Variants in MS4A6E observed in about 807,000 individuals in gnomAD.
The protein encoded by MS4A6E is membrane spanning 4-domains A6E, also known as membrane-spanning 4-domains subfamily A member 6E.
In MS4A6E, 8 loss-of-function variants were observed where a neutral mutation model predicts 13.2. The observed-to-expected ratio is 0.60, with a 90% CI of 0.35 to 1.09. The LOEUF is 1.09. MS4A6E is among the 50% of genes least tolerant of loss of function. MS4A6E has a pLI of 0.02. For missense variants in MS4A6E, 177 were observed against 171.1 expected, an observed-to-expected ratio of 1.03 and a Z score of -0.19; for synonymous variants, 72 against 67.6, an observed-to-expected ratio of 1.06 and a Z score of -0.32.
At chr11:60,332,880 C>T (rs1317688193) in intron 1 of MS4A6E, among the ~76,000 whole-genome samples, 11 of 152,254 alleles carry the variant, frequency 7.2e-5, no homozygotes, top group Non-Finnish European at 1.5e-5. Context: ...AAAACACCCG[C>T]ATGCCCGCAT....
Position 60,337,688 on chromosome 11 carries a change from A to G in MS4A6E, c.148-53A>G. On this transcript the variant is annotated intron_variant, in intron 2 of 4. Transcript: ENST00000684409. Reference sequence around the variant, plus strand: ...TGCAATGTAATGGCAAAAAGGGATAAGAGAGATTCGTGGCCCTTTGGGAAT... The same window carrying G: ...TGCAATGTAATGGCAAAAAGGGATAGGAGAGATTCGTGGCCCTTTGGGAAT... The G allele has an allele frequency of 7.5e-6, 12 of 1,603,238 alleles. No individual in the cohort carries two copies. In the South Asian group the frequency reaches 1.3e-4, roughly 18 times the overall value.
At chr11:60,345,136 G>T (rs773084859), downstream of MS4A6E, among the ~76,000 whole-genome samples, 3 of 151,846 alleles carry the variant, frequency 2.0e-5, no homozygotes, top group African/African-American at 7.3e-5. Context: ...GGGTTTCACC[G>T]TGTTAGCCAG....
downstream of MS4A6E, among the ~76,000 whole-genome samples, chr11:60,342,435 T>C (rs548651541): frequency 6.6e-6 from 1 of 151,926 alleles, no homozygotes; most frequent in East Asian, 1.9e-4. Flanking sequence ...GAAGAGTGCT[T>C]CCTCATGCAG....
intron 4 of MS4A6E, among the ~76,000 whole-genome samples, chr11:60,348,115 A>G (rs6591573): frequency 1 from 152,060 of 152,330 alleles, 75,896 homozygotes; most frequent in Middle Eastern, 1. Context: ...TCCTGCTAAC[A>G]GGACAGTCTC....
intron 1 of MS4A6E, among the ~76,000 whole-genome samples, chr11:60,332,916 TTCTAGCTG>T: frequency 6.6e-6 from 1 of 152,232 alleles, no homozygotes; most frequent in East Asian, 1.9e-4. Context: ...AGATGACTCT[TTCTAGCTG>T]TTGATTCCTC....
At chr11:60,340,699 T>C (rs1372602837) in intron 4 of MS4A6E, 77 bp from the exon 5 acceptor site, 1 of 168,416 alleles carries the variant, frequency 5.9e-6, no homozygotes, top group Non-Finnish European at 1.3e-5. Context: ...CATATCCACA[T>C]GTATCTTGAA....
chr11:60,343,449 G>C (rs892533303), downstream of MS4A6E, among the ~76,000 whole-genome samples: 2 of 152,140 alleles, frequency 1.3e-5, no homozygotes, highest in Non-Finnish European at 2.9e-5. Context: ...TATTGCAGGT[G>C]CCACAATGTA....
chr11:60,333,826 A>C (rs2085171692), intron 1 of MS4A6E, among the ~76,000 whole-genome samples: 1 of 152,220 alleles, frequency 6.6e-6, no homozygotes, highest in Non-Finnish European at 1.5e-5. Flanking sequence ...AGAAACACCA[A>C]AATTTATCTC....
intron 2 of MS4A6E, chr11:60,335,654 G>A (rs897193330): frequency 2.3e-6 from 1 of 441,848 alleles, no homozygotes; most frequent in African/African-American, 2.0e-5. Flanking sequence ...TCTGAGGTGA[G>A]GCACTCTGTT....
At chr11:60,333,214 A>G (rs1433660805) in intron 1 of MS4A6E, among the ~76,000 whole-genome samples, 1 of 151,124 alleles carries the variant, frequency 6.6e-6, no homozygotes, top group African/African-American at 2.4e-5. Flanking sequence ...AGATTACAAG[A>G]AAGATTAAAA....
At position 60,337,754 on chromosome 11, in the gene MS4A6E, T is replaced by C. The variant is rs781534480; in HGVS notation, c.161T>C (p.Leu54Pro). 1.2e-6 allele frequency: 2 copies of C among 1,614,216 alleles called. No homozygotes were observed. Reference protein sequence around the residue: ...KVKVIGVHSSLAGSILSALSA... With the variant: ...KVKVIGVHSSPAGSILSALSA... ...TGTCTCTTTCAGGTGCATAGCAGCC[T>C]GGCTGGAAGCATTCTGAGTGCTCTG... Residue 54 changes from leucine (L) to proline (P), a missense_variant, in exon 3 of 5, where the codon CTG (leucine) becomes CCG (proline). Physicochemically the swap from Leu to Pro is moderately conservative, Grantham distance 98. Coordinates refer to ENST00000684409, the MANE Select transcript of MS4A6E (RefSeq NM_139249.4).
downstream of MS4A6E, among the ~76,000 whole-genome samples, chr11:60,343,320 C>A (rs1418513480): frequency 6.6e-6 from 1 of 152,038 alleles, no homozygotes; most frequent in African/African-American, 2.4e-5. Flanking sequence ...CTTTACTAGA[C>A]GCGTTAATAT....
intron 2 of MS4A6E, among the ~76,000 whole-genome samples, chr11:60,336,069 G>C (rs1030955598): frequency 4.6e-5 from 7 of 152,172 alleles, no homozygotes; most frequent in African/African-American, 1.7e-4. Context: ...AAGTCAGAGA[G>C]AGTGCCCAGA....
downstream of MS4A6E, among the ~76,000 whole-genome samples, chr11:60,344,976 C>G (rs1590778670): frequency 6.6e-6 from 1 of 151,942 alleles, no homozygotes; most frequent in Non-Finnish European, 1.5e-5. Context: ...CACTCTGTGG[C>G]CCAGGCTGGT....
chr11:60,339,772 T>C (rs2135063541), intron 3 of MS4A6E, 94 bp from the exon 4 acceptor site: 1 of 1,014,320 alleles, frequency 9.9e-7, no homozygotes, highest in Non-Finnish European at 1.6e-6. Context: ...CTCTAATGGT[T>C]GAGGTGGTCT....
At chr11:60,334,460 TATG>T (rs1465016386) in intron 1 of MS4A6E, among the ~76,000 whole-genome samples, 2 of 152,124 alleles carry the variant, frequency 1.3e-5, no homozygotes, top group African/African-American at 4.8e-5. Context: ...TCTAGTAAAA[TATG>T]ATAAACATAT....
chr11:60,333,580 A>C (rs1268251484), intron 1 of MS4A6E, among the ~76,000 whole-genome samples: 1 of 152,156 alleles, frequency 6.6e-6, no homozygotes, highest in East Asian at 1.9e-4. Context: ...GTCCTGAAGG[A>C]GAGGGTTGGA....
chr11:60,337,728 A>C lies in MS4A6E; in HGVS notation c.148-13A>C. On this transcript the variant is annotated splice_polypyrimidine_tract_variant and intron_variant, in intron 2 of 4. Coordinates refer to ENST00000684409, the MANE Select transcript of MS4A6E (RefSeq NM_139249.4). Reference sequence around the variant, plus strand: ...CCTTTGGGAATGATTCTTACCCAGCATGTCTCTTTCAGGTGCATAGCAGCC... The same window carrying C: ...CCTTTGGGAATGATTCTTACCCAGCCTGTCTCTTTCAGGTGCATAGCAGCC... 2 of 1,614,060 alleles carry C rather than the reference A, an allele frequency of 1.2e-6. No homozygotes were observed. The highest frequency in any genetic ancestry group is 8.5e-7 in the Non-Finnish European group (1 of 1,180,008).
chr11:60,337,680 A>C, intron 2 of MS4A6E, 61 bp from the exon 3 acceptor site: 2 of 1,596,684 alleles, frequency 1.3e-6, no homozygotes, highest in Non-Finnish European at 1.7e-6. Flanking sequence ...TAATGGCAAA[A>C]AGGGATAAGA....
Sources: allele counts gnomAD v4.1 joint callset (sites outside exome capture counted in the v4.1 genomes callset), GRCh38; gene constraint gnomAD v4.1.1; transcripts MANE v1.5; gene names NCBI Gene and HGNC (gene_info 2026-07-23, HGNC 2026-07-21).